The following CAPRIN1 variants were observed in gnomAD, a reference collection of about 807,000 sequenced individuals.
CAPRIN1 encodes cell cycle associated protein 1, also known as caprin-1.
A neutral mutation model predicts 100.9 loss-of-function variants in CAPRIN1; 29 were observed. That is an observed-to-expected ratio of 0.29 (90% CI 0.21 to 0.39). The LOEUF is 0.39. Among genes scored for constraint, CAPRIN1 ranks in the 10% least tolerant of loss-of-function variants. The pLI is 1.00. For synonymous variants in CAPRIN1, 338 were observed against 307.5 expected (o/e 1.10, Z -1.04); for missense variants, 795 against 876.7 (o/e 0.91, Z 1.18).
At chr11:34,072,315 C>CT (rs140450009) in intron 4 of CAPRIN1, among the ~76,000 whole-genome samples, 11,428 of 131,854 alleles carry the variant, frequency 0.087, 446 homozygotes, top group African/African-American at 0.091. Context: ...AACCCCATCT[C>CT]TAAAAAAAAA....
chr11:34,052,992 C>T, intron 2 of CAPRIN1: 4 of 1,060,730 alleles, frequency 3.8e-6, no homozygotes, highest in Non-Finnish European at 4.6e-6. Context: ...TCTCTGAGGC[C>T]CGATTTCTCT....
At position 34,090,519 on chromosome 11, in the gene CAPRIN1, T is replaced by G; in HGVS notation, c.1405-10T>G. 2 of 1,608,664 alleles carry G rather than the reference T, an allele frequency of 1.2e-6. No individual in the cohort carries two copies. Among genetic ancestry groups the G allele is most frequent in the East Asian group, 4.5e-5 (2 of 44,716 alleles). Reference sequence around the variant, plus strand: ...TACCGCTAAAGTGCATCTATTCACTTTGTGTTTAGGCAACAATCTCTTTAA... The same window carrying G: ...TACCGCTAAAGTGCATCTATTCACTGTGTGTTTAGGCAACAATCTCTTTAA... On this transcript the variant is annotated splice_polypyrimidine_tract_variant and intron_variant, in intron 13 of 18. Transcript: ENST00000341394.
chr11:34,098,645 G>A (rs1851406410), intron 18 of CAPRIN1: 10 of 985,378 alleles, frequency 1.0e-5, no homozygotes, highest in Non-Finnish European at 1.2e-5. Flanking sequence ...TGGATCACTT[G>A]GGAATTACTG....
At chr11:34,066,800 ATTT>A (rs1278025400) in intron 2 of CAPRIN1, among the ~76,000 whole-genome samples, 2 of 130,056 alleles carry the variant, frequency 1.5e-5, no homozygotes, top group South Asian at 4.8e-4. Flanking sequence ...TAATTTTTGT[ATTT>A]TTTTTTTTTC....
At chr11:34,074,224 C>T (rs1317636473) in intron 4 of CAPRIN1, among the ~76,000 whole-genome samples, 1 of 152,154 alleles carries the variant, frequency 6.6e-6, no homozygotes, top group Non-Finnish European at 1.5e-5. Context: ...AGCAGGATTG[C>T]TATACAGTTT....
intron 2 of CAPRIN1, among the ~76,000 whole-genome samples, chr11:34,070,276 A>G (rs1430166776): frequency 6.6e-6 from 1 of 152,262 alleles, no homozygotes; most frequent in Non-Finnish European, 1.5e-5. Context: ...TCACCCTTGA[A>G]CTAACAAAGC....
chr11:34,058,194 T>C (rs1483710266), intron 2 of CAPRIN1, among the ~76,000 whole-genome samples: 1 of 152,064 alleles, frequency 6.6e-6, no homozygotes, highest in Non-Finnish European at 1.5e-5. Flanking sequence ...TGGAGTGCAG[T>C]GGTGCAATCT....
At chr11:34,090,079 G>T (rs571869575) in intron 12 of CAPRIN1, 100 bp from the exon 13 acceptor site, 5 of 593,612 alleles carry the variant, frequency 8.4e-6, no homozygotes, top group African/African-American at 7.5e-5. Flanking sequence ...TTTAGCAGTT[G>T]TATCTATTTC....
intron 2 of CAPRIN1, among the ~76,000 whole-genome samples, chr11:34,060,904 TTTAAGA>T (rs1850564309): frequency 6.6e-6 from 1 of 152,224 alleles, no homozygotes; most frequent in South Asian, 2.1e-4. Context: ...AAAGATGCCC[TTTAAGA>T]TTATTTATGG....
rs1464812186 is a variant in CAPRIN1 at position 34,076,414 on chromosome 11, A to T, written c.545A>T (p.Glu182Val). ...LNGVPILSEE[E>V]LSLLDEFYKL... ...GGAGTGCCAATATTGTCCGAAGAGG[A>T]GTTGTCATTGTTGGATGAATTCTAT... The change falls in exon 5 of 19, where the codon GAG becomes GTG. Residue 182 changes from glutamate (E) to valine (V), a missense_variant. By Grantham distance (121) the Glu-to-Val change is moderately radical (BLOSUM62 -2). This residue lies in a region of CAPRIN1 where 648 missense variants were observed against 697.9 expected (regional missense o/e 0.93). Transcript: ENST00000341394. The T allele has an allele frequency of 6.2e-7, 1 of 1,614,206 alleles. No individual in the cohort carries two copies.
intron 2 of CAPRIN1, among the ~76,000 whole-genome samples, chr11:34,070,698 A>G (rs1850789519): frequency 6.6e-6 from 1 of 150,972 alleles, no homozygotes; most frequent in Non-Finnish European, 1.5e-5. Context: ...GCCTGGCCCG[A>G]AAAAATACTC....
chr11:34,098,567 A>C (rs1851405352), intron 18 of CAPRIN1: 28 of 985,242 alleles, frequency 2.8e-5, no homozygotes, highest in Non-Finnish European at 3.1e-5. Context: ...AGGAGGAATT[A>C]CAACGTACTT....
chr11:34,057,498 A>G (rs1278822929), intron 2 of CAPRIN1, among the ~76,000 whole-genome samples: 2 of 152,224 alleles, frequency 1.3e-5, no homozygotes, highest in Non-Finnish European at 2.9e-5. Context: ...TGTGACTTAC[A>G]GATTAAGCAT....
At chr11:34,095,190 C>G (rs540350108) in intron 15 of CAPRIN1, among the ~76,000 whole-genome samples, 1 of 152,090 alleles carries the variant, frequency 6.6e-6, no homozygotes, top group African/African-American at 2.4e-5. Context: ...GCCACTACAC[C>G]CAGCCTGGCT....
intron 2 of CAPRIN1, 151 bp downstream of exon 2, chr11:34,052,787 C>T: frequency 7.0e-7 from 1 of 1,431,984 alleles, no homozygotes; most frequent in Non-Finnish European, 9.3e-7. Context: ...CCCGTCTCCA[C>T]GTTCAGCGGG....
intron 15 of CAPRIN1, 88 bp from the exon 16 acceptor site, chr11:34,096,391 T>C (rs1484852859): frequency 3.3e-6 from 3 of 905,754 alleles, no homozygotes; most frequent in Non-Finnish European, 5.2e-6. Context: ...GGAGACTGTA[T>C]AAGACACTTC....
At chr11:34,087,604 A>G (rs1330305292) in intron 11 of CAPRIN1, among the ~76,000 whole-genome samples, 1 of 122,668 alleles carries the variant, frequency 8.2e-6, no homozygotes, top group African/African-American at 3.4e-5. Context: ...AAGTGCTGGG[A>G]TTACAGGCGT....
intron 12 of CAPRIN1, 67 bp from the exon 13 acceptor site, chr11:34,090,112 T>C: frequency 1.1e-6 from 1 of 898,140 alleles, no homozygotes; most frequent in Non-Finnish European, 1.8e-6. Flanking sequence ...GTCTTAGAGG[T>C]AACTTGTTTT....
chr11:34,082,131 A>G (rs186950696), intron 7 of CAPRIN1, among the ~76,000 whole-genome samples: 1 of 152,248 alleles, frequency 6.6e-6, no homozygotes, highest in East Asian at 1.9e-4. Context: ...TCTTAACTTT[A>G]AAAAAGATTT....
Sources: allele counts gnomAD v4.1 joint callset (sites outside exome capture counted in the v4.1 genomes callset), GRCh38; gene constraint gnomAD v4.1.1; regional missense constraint gnomAD v4.1.1; transcripts MANE v1.5; gene names NCBI Gene and HGNC (gene_info 2026-07-23, HGNC 2026-07-21).